Variants in AP1S3 observed in about 807,000 individuals in gnomAD.
AP1S3 encodes AP-1 complex subunit sigma-3.
A neutral mutation model predicts 20.9 loss-of-function variants in AP1S3; 10 were observed. The observed-to-expected ratio is 0.48, with a 90% CI of 0.29 to 0.81. The LOEUF is 0.81. Among genes scored for constraint, AP1S3 ranks in the 30% least tolerant of loss-of-function variants. The pLI, the probability that AP1S3 is intolerant of heterozygous loss-of-function variation, is 0.08. For missense variants in AP1S3, 154 were observed against 183.8 expected, an observed-to-expected ratio of 0.84 and a Z score of 0.94; for synonymous variants, 41 against 61.5, an observed-to-expected ratio of 0.67 and a Z score of 1.56.
At chr2:223,805,430 G>A (rs993744199) in intron 1 of AP1S3, among the ~76,000 whole-genome samples, 6 of 151,834 alleles carry the variant, frequency 4.0e-5, no homozygotes, top group African/African-American at 1.2e-4. Context: ...TGACAGAAGC[G>A]AAACTCCATC....
chr2:223,761,665 G>A (rs946709477), intron 4 of AP1S3, among the ~76,000 whole-genome samples: 4 of 151,952 alleles, frequency 2.6e-5, no homozygotes, highest in Admixed American at 6.6e-5. Flanking sequence ...GGGCTCAAGC[G>A]GTCCTTCCGC....
intron 4 of AP1S3, among the ~76,000 whole-genome samples, chr2:223,763,725 G>C (rs1214590295): frequency 6.6e-6 from 1 of 152,134 alleles, no homozygotes; most frequent in Non-Finnish European, 1.5e-5. Flanking sequence ...GCTGCTTACG[G>C]CACCCACTCA....
intron 1 of AP1S3, among the ~76,000 whole-genome samples, chr2:223,800,591 T>C (rs1323413864): frequency 2.0e-5 from 3 of 151,996 alleles, no homozygotes; most frequent in African/African-American, 4.8e-5. Flanking sequence ...AAAAATCACA[T>C]GATTATATCA....
chr2:223,804,732 G>A (rs1287135157), intron 1 of AP1S3, among the ~76,000 whole-genome samples: 2 of 148,058 alleles, frequency 1.4e-5, no homozygotes, highest in Non-Finnish European at 1.5e-5. Context: ...AAAAAAAAAA[G>A]AGGTTTCTAG....
Position 223,837,566 on chromosome 2 carries a change from T to C in AP1S3, c.-116A>G, listed in dbSNP as rs1692438915. The C allele has an allele frequency of 6.6e-6, 4 of 608,718 alleles. No individual in the cohort carries two copies. Among genetic ancestry groups the C allele is most frequent in the Admixed American group, 4.4e-5 (1 of 22,692 alleles). The allele number at this position is 608,718 out of a possible 1,614,324, so 37.7% of individuals were successfully genotyped here. A position where few individuals can be genotyped will look rare whatever the true frequency, so the allele number is the denominator to read the frequency against. On this transcript the variant is annotated 5_prime_UTR_variant, in exon 1 of 5. It removes an upstream start codon present in the reference 5' UTR. Coordinates refer to ENST00000396654, the MANE Select transcript of AP1S3 (RefSeq NM_001039569.2). The stretch of plus-strand genomic sequence containing the variant: ...CAGGTGAGGCGCCCGGCTTAGACCA[T>C]GGCTGCTTCCCACAATGCCCTGGCA...
chr2:223,776,523 G>A (rs1690788140), intron 2 of AP1S3, among the ~76,000 whole-genome samples: 1 of 152,204 alleles, frequency 6.6e-6, no homozygotes, highest in Non-Finnish European at 1.5e-5. Context: ...ATCAATCTGT[G>A]AAGGTTGCCT....
At position 223,758,278 on chromosome 2, in the gene AP1S3, T is replaced by C; in HGVS notation, c.*437A>G. 1 of 975,282 alleles carries C rather than the reference T, an allele frequency of 1.0e-6. No individual in the cohort carries two copies. The highest frequency in any genetic ancestry group is 1.2e-6 in the Non-Finnish European group (1 of 820,186). 60.4% of individuals were successfully genotyped at this position (975,282 alleles called of 1,614,324 possible). A position where few individuals can be genotyped will look rare whatever the true frequency, so the allele number is the denominator to read the frequency against. On this transcript the variant is annotated 3_prime_UTR_variant, in exon 5 of 5. Coordinates refer to ENST00000396654, the MANE Select transcript of AP1S3 (RefSeq NM_001039569.2). ...CACTATTAACATAATTTTGAATTAT[T>C]ATACAATTTAGAAAACTAAACATTT...
chr2:223,836,051 G>A (rs115191288), intron 1 of AP1S3, among the ~76,000 whole-genome samples: 154 of 152,344 alleles, frequency 1.0e-3, no homozygotes, highest in African/African-American at 3.4e-3. Context: ...CCGCTAGTGT[G>A]TGCAGCCAAA....
intron 1 of AP1S3, among the ~76,000 whole-genome samples, chr2:223,786,084 C>T (rs1691065366): frequency 6.6e-6 from 1 of 152,132 alleles, no homozygotes; most frequent in African/African-American, 2.4e-5. Context: ...AGATCTCATA[C>T]CTTCCACTCA....
At chr2:223,792,525 G>A (rs971833172) in intron 1 of AP1S3, among the ~76,000 whole-genome samples, 17 of 152,138 alleles carry the variant, frequency 1.1e-4, no homozygotes, top group East Asian at 1.9e-4. Context: ...CTAGCCACAC[G>A]CAGAAGATTG....
intron 1 of AP1S3, among the ~76,000 whole-genome samples, chr2:223,807,476 T>G (rs534416539): frequency 6.6e-6 from 1 of 152,186 alleles, no homozygotes; most frequent in East Asian, 1.9e-4. Flanking sequence ...ATTCTTTTAA[T>G]CAGAGTGATA....
At chr2:223,832,347 CT>C in intron 1 of AP1S3, among the ~76,000 whole-genome samples, 1 of 118,286 alleles carries the variant, frequency 8.5e-6, no homozygotes, top group East Asian at 2.5e-4. Flanking sequence ...GCTGACAATA[CT>C]CACCACAAAC....
chr2:223,759,113 C>T lies in AP1S3; in HGVS notation c.430-363G>A, dbSNP rs547370938. Among the ~76,000 whole-genome samples, 4 of 151,998 alleles carry T rather than the reference C, an allele frequency of 2.6e-5. 1 individual carries two copies. Among genetic ancestry groups the T allele is most frequent in the African/African-American group, 4.8e-5 (2 of 41,478 alleles). The stretch of plus-strand genomic sequence containing the variant: ...TGGCCAACATGACAAAACCCCATCT[C>T]GATGAAAAATACAAAAATTACCCGA... On this transcript the variant is annotated intron_variant, in intron 4 of 4. Transcript: ENST00000396654.
intron 4 of AP1S3, among the ~76,000 whole-genome samples, chr2:223,763,734 C>A (rs1446592913): frequency 6.6e-6 from 1 of 152,158 alleles, no homozygotes; most frequent in Non-Finnish European, 1.5e-5. Context: ...GGCACCCACT[C>A]AAATAGATGT....
chr2:223,805,830 C>G (rs985977163), intron 1 of AP1S3, among the ~76,000 whole-genome samples: 4 of 152,140 alleles, frequency 2.6e-5, no homozygotes, highest in Admixed American at 1.3e-4. Flanking sequence ...TTTCTCAGAA[C>G]TTTTACAAAT....
intron 1 of AP1S3, among the ~76,000 whole-genome samples, chr2:223,835,700 G>C: frequency 6.6e-6 from 1 of 152,070 alleles, no homozygotes; most frequent in East Asian, 1.9e-4. Context: ...GCAAAAACTG[G>C]TAGAAAAGCT....
At chr2:223,831,162 ACTCTG>A (rs760183225) in intron 1 of AP1S3, among the ~76,000 whole-genome samples, 1 of 151,552 alleles carries the variant, frequency 6.6e-6, no homozygotes, top group Non-Finnish European at 1.5e-5. Context: ...ATAGGATCTC[ACTCTG>A]TCACCAAGGC....
chr2:223,833,931 G>T (rs1692338500), intron 1 of AP1S3, among the ~76,000 whole-genome samples: 1 of 140,392 alleles, frequency 7.1e-6, no homozygotes, highest in African/African-American at 2.7e-5. Flanking sequence ...TATTTGAGAT[G>T]GAGTTTTGTT....
At chr2:223,803,075 T>G (rs1691503423) in intron 1 of AP1S3, among the ~76,000 whole-genome samples, 1 of 152,216 alleles carries the variant, frequency 6.6e-6, no homozygotes, top group Non-Finnish European at 1.5e-5. Context: ...AAGCCAAGTT[T>G]AAATTTTTAT....
Sources: gnomAD v4.1 joint callset for allele counts (sites outside exome capture counted in the v4.1 genomes callset) on GRCh38, gnomAD v4.1.1 for gene constraint, MANE v1.5 for transcripts, NCBI Gene and HGNC (gene_info 2026-07-23, HGNC 2026-07-21) for gene names.